SYBU: variants seen among roughly 807,000 people sequenced by gnomAD.
SYBU encodes the protein syntabulin, also known as GOLSYN A protein.
Under a neutral mutation model 35.9 loss-of-function variants are expected in SYBU, and 21 were observed. The ratio of observed to expected loss-of-function variants is 0.58; its 90% CI spans 0.41 to 0.84. The LOEUF is 0.84. Ranked by LOEUF, SYBU falls within the 40% of genes least tolerant of loss-of-function variation. The pLI, the probability that SYBU is intolerant of heterozygous loss-of-function variation, is 0.00. For missense variants in SYBU, 768 were observed against 848.2 expected (o/e 0.91, Z 1.17); for synonymous variants, 319 against 324.3 (o/e 0.98, Z 0.18).
chr8:109,684,303 C>CT (rs35243384), upstream of SYBU, among the ~76,000 whole-genome samples: 13,461 of 152,158 alleles, frequency 0.088, 672 homozygotes, highest in East Asian at 0.12. Flanking sequence ...TAAATCTGTT[C>CT]TTTTTGTACT....
chr8:109,672,081 A>G (rs544361171), intron 1 of SYBU, among the ~76,000 whole-genome samples: 1 of 152,204 alleles, frequency 6.6e-6, no homozygotes, highest in East Asian at 1.9e-4. Context: ...TTGTATTTTT[A>G]GTAGAGATGG....
chr8:109,666,439 T>C lies in SYBU; in HGVS notation c.-129+14272A>G, dbSNP rs1361363156. 2.6e-5 allele frequency among the ~76,000 whole-genome samples: 4 copies of C among 152,054 alleles called. 1 individual carries two copies. The highest frequency in any genetic ancestry group is 2.0e-4 in the Admixed American group (3 of 15,250). ...CTCCCAGACATTGCCAGACATCTCC[T>C]AGGAGACAAGATCATCCTCAATTAA... On this transcript the variant is annotated intron_variant, in intron 1 of 5. Transcript: ENST00000408889.
intron 3 of SYBU, among the ~76,000 whole-genome samples, chr8:109,617,207 T>C (rs2130339235): frequency 6.6e-6 from 1 of 152,284 alleles, no homozygotes; most frequent in East Asian, 1.9e-4. Context: ...TTGTAAACAT[T>C]ATTCTAAGGG....
chr8:109,592,569 G>A (rs190867650), intron 3 of SYBU, among the ~76,000 whole-genome samples: 4 of 152,338 alleles, frequency 2.6e-5, no homozygotes, highest in Admixed American at 2.6e-4. Flanking sequence ...ACACCACCCA[G>A]TTCACTCCTG....
intron 1 of SYBU, 70 bp downstream of exon 1, chr8:109,644,566 C>A: frequency 6.6e-7 from 1 of 1,508,078 alleles, no homozygotes; most frequent in Non-Finnish European, 8.9e-7. Context: ...AGCTCTCATC[C>A]CGCCGCTTCT....
intron 1 of SYBU, among the ~76,000 whole-genome samples, chr8:109,652,428 G>A (rs192244833): frequency 6.7e-4 from 99 of 148,762 alleles, no homozygotes; most frequent in Non-Finnish European, 1.2e-3. Context: ...TTCTGCCACC[G>A]TCCAGGCCCC....
chr8:109,660,068 T>C (rs1369229611), intron 1 of SYBU, among the ~76,000 whole-genome samples: 1 of 152,180 alleles, frequency 6.6e-6, no homozygotes, highest in Non-Finnish European at 1.5e-5. Context: ...TGACAGTGTC[T>C]ATTTAGCTTA....
intron 1 of SYBU, among the ~76,000 whole-genome samples, chr8:109,657,218 T>C (rs1170281925): frequency 2.0e-5 from 3 of 152,200 alleles, no homozygotes; most frequent in East Asian, 1.9e-4. Context: ...AATGTACTCA[T>C]TTCTTCACTT....
At chr8:109,656,561 A>C (rs1486035196) in intron 1 of SYBU, among the ~76,000 whole-genome samples, 1 of 152,234 alleles carries the variant, frequency 6.6e-6, no homozygotes, top group African/African-American at 2.4e-5. Flanking sequence ...GAACCAAACA[A>C]TAATTGGGCA....
Position 109,658,878 on chromosome 8 carries a change from G to C in SYBU, c.-129+21833C>G, listed in dbSNP as rs781208511. ...CTGAGGCAGGAGAATCGCTTGAACC[G>C]GAAAGGCGGAGGTTGCAGTGAGCAG... On this transcript the variant is annotated intron_variant, in intron 1 of 5. Coordinates refer to the SYBU transcript ENST00000408889. Among the ~76,000 whole-genome samples the C allele has an allele frequency of 7.2e-5, 11 of 152,036 alleles. No homozygotes were observed. The South Asian group carries it at 2.3e-3, about 32-fold the overall frequency.
chr8:109,601,117 A>G (rs1825468211), intron 3 of SYBU, among the ~76,000 whole-genome samples: 1 of 152,220 alleles, frequency 6.6e-6, no homozygotes, highest in Non-Finnish European at 1.5e-5. Flanking sequence ...GCATCGGATG[A>G]CAGCATCAGA....
At chr8:109,688,555 A>G (rs1817571940) in intron 1 of SYBU, among the ~76,000 whole-genome samples, 1 of 152,208 alleles carries the variant, frequency 6.6e-6, no homozygotes, top group Admixed American at 6.5e-5. Context: ...GAACATCCAT[A>G]AAAGACTTTT....
rs186917481 is a variant in SYBU, at chr8:109,640,801, T to C, written c.229+1927A>G. On this transcript the variant is annotated intron_variant, in intron 2 of 6. Coordinates refer to ENST00000276646, the MANE Select transcript of SYBU (RefSeq NM_001099754.2). The stretch of plus-strand genomic sequence containing the variant: ...GCAGACAATTTGATTAGCAAATTGT[T>C]AGCAAAAAATTAGTTAGCAAAAAAA... Among the ~76,000 whole-genome samples the C allele has an allele frequency of 7.5e-5, 10 of 133,464 alleles. No individual in the cohort carries two copies. The East Asian group carries it at 2.1e-3, about 29-fold the overall frequency. The allele number at this position is 133,464 out of a possible 152,430, so 87.6% of individuals were successfully genotyped here.
intron 3 of SYBU, among the ~76,000 whole-genome samples, chr8:109,618,428 A>T (rs11992637): frequency 6.6e-6 from 1 of 152,104 alleles, no homozygotes; most frequent in Non-Finnish European, 1.5e-5. Flanking sequence ...ATTTGCATCA[A>T]GATAACTCCC....
At chr8:109,603,884 C>T (rs936339817) in intron 3 of SYBU, among the ~76,000 whole-genome samples, 9 of 152,192 alleles carry the variant, frequency 5.9e-5, no homozygotes, top group African/African-American at 1.9e-4. Flanking sequence ...GTGCAGGCAG[C>T]TTCCCTGGTG....
At chr8:109,662,685 A>G (rs565222591) in intron 1 of SYBU, among the ~76,000 whole-genome samples, 3 of 152,346 alleles carry the variant, frequency 2.0e-5, no homozygotes, top group South Asian at 4.1e-4. Flanking sequence ...CTATCAGGAC[A>G]TAATGTAAAC....
At chr8:109,594,744 C>T (rs1824672929) in intron 3 of SYBU, among the ~76,000 whole-genome samples, 1 of 152,138 alleles carries the variant, frequency 6.6e-6, no homozygotes, top group South Asian at 2.1e-4. Flanking sequence ...GCACTGACCT[C>T]CACCTCCACT....
chr8:109,612,231 T>C (rs1811253607), intron 3 of SYBU, among the ~76,000 whole-genome samples: 1 of 152,180 alleles, frequency 6.6e-6, no homozygotes, highest in Admixed American at 6.5e-5. Context: ...AGTTAAGTGC[T>C]TGGAATTTTG....
At position 109,584,768 on chromosome 8, in the gene SYBU, T is replaced by C. The variant is rs1273748695; in HGVS notation, c.530+1292A>G. ...AAATCTTCAGCTCACCCAAGAGAAA[T>C]AGAAAATATTTGCTTGCTGAGTCCT... On this transcript the variant is annotated intron_variant, in intron 4 of 6. Coordinates refer to ENST00000276646, the MANE Select transcript of SYBU (RefSeq NM_001099754.2). This position sits in a 1 kb window ranked among gnomAD's most constrained non-coding sequence, Gnocchi z 4.0. 6.6e-6 allele frequency among the ~76,000 whole-genome samples: 1 copy of C among 152,092 alleles called. No homozygotes were observed. Among genetic ancestry groups the C allele is most frequent in the African/African-American group, 2.4e-5 (1 of 41,406 alleles).
Sources: gnomAD v4.1 joint callset for allele counts (sites outside exome capture counted in the v4.1 genomes callset) on GRCh38, gnomAD v4.1.1 for gene constraint, Gnocchi (gnomAD v3.1) non-coding constraint, MANE v1.5 for transcripts, NCBI Gene and HGNC (gene_info 2026-07-23, HGNC 2026-07-21) for gene names.